Variants in LRP8 observed in about 807,000 individuals in gnomAD.
LRP8 encodes the protein low-density lipoprotein receptor-related protein 8.
Under a neutral mutation model 111.6 loss-of-function variants are expected in LRP8, and 46 were observed. The ratio of observed to expected loss-of-function variants is 0.41; its 90% confidence interval spans 0.33 to 0.53. The LOEUF (loss-of-function observed/expected upper bound fraction) is 0.53, where lower values mean the gene tolerates loss of function less well. Among genes scored for constraint, LRP8 ranks in the 20% least tolerant of loss-of-function variants. LRP8 has a pLI of 0.20. For synonymous variants in LRP8, 464 were observed against 511.2 expected (o/e 0.91, Z 1.24); for missense variants, 959 against 1,297.4 (o/e 0.74, Z 4.01).
intron 8 of LRP8, among the ~76,000 whole-genome samples, chr1:53,269,962 C>T (rs1289918301): frequency 6.7e-6 from 1 of 149,674 alleles, no homozygotes; most frequent in African/African-American, 2.5e-5. Flanking sequence ...TAGGTCTGCC[C>T]AGGTCGTGCT....
At chr1:53,309,207 G>A (rs982392849) in intron 2 of LRP8, among the ~76,000 whole-genome samples, 17 of 152,152 alleles carry the variant, frequency 1.1e-4, no homozygotes, top group Non-Finnish European at 1.6e-4. Context: ...CTCAGGAGGC[G>A]GAGGTTGCAG....
In LRP8 at chr1:53,243,048, A is replaced by G. The variant is rs1253925936; in HGVS notation, c.*3970T>C. On this transcript the variant is annotated 3_prime_UTR_variant, in exon 19 of 19. Coordinates refer to ENST00000306052, the MANE Select transcript of LRP8 (RefSeq NM_004631.5). Reference sequence around the variant, plus strand: ...TAACCTTCTAAATTCTCCATACCCTAAAAATACAGTGTGAGAAGTCTGTTA... The same window carrying G: ...TAACCTTCTAAATTCTCCATACCCTGAAAATACAGTGTGAGAAGTCTGTTA... The G allele has an allele frequency of 6.6e-6, 1 of 152,136 alleles. No individual in the cohort carries two copies. The highest frequency in any genetic ancestry group is 1.9e-4 in the East Asian group (1 of 5,194). 9.4% of individuals were successfully genotyped at this position (152,136 alleles called of 1,614,324 possible).
At position 53,289,547 on chromosome 1, in the gene LRP8, G is replaced by A. The variant is rs1648248971; in HGVS notation, c.367+20C>T. ...GGAAACTGAGGCCCACCCCCACCCA[G>A]ACTGAGGGGCAGGACTCACTGCAAG... is the stretch of plus-strand genomic sequence containing the variant. On this transcript the variant is annotated intron_variant, in intron 3 of 18. Transcript: ENST00000306052. 1.9e-6 allele frequency: 3 copies of A among 1,586,132 alleles called. No individual in the cohort carries two copies. The highest frequency in any genetic ancestry group is 2.3e-5 in the South Asian group (2 of 87,414).
chr1:53,314,382 CA>C (rs1206677164), intron 2 of LRP8, among the ~76,000 whole-genome samples: 11 of 152,240 alleles, frequency 7.2e-5, no homozygotes, highest in Admixed American at 7.2e-4. Flanking sequence ...CTAGGGGAGC[CA>C]AAGCAGCAAT....
chr1:53,300,301 C>A (rs992156793), intron 2 of LRP8, among the ~76,000 whole-genome samples: 21 of 152,216 alleles, frequency 1.4e-4, no homozygotes, highest in Non-Finnish European at 2.5e-4. Flanking sequence ...AAAACTCTCC[C>A]ACCCCTGATG....
Position 53,294,896 on chromosome 1 carries a change from G to C in LRP8, c.245-5207C>G, listed in dbSNP as rs576889804. ...CGTGGAGCCCCGGTGCAGAGAGAAG[G>C]CTCCAAAATAAAGATTAGTCCGGGC... On this transcript the variant is annotated intron_variant, in intron 2 of 18. Coordinates refer to ENST00000306052, the MANE Select transcript of LRP8 (RefSeq NM_004631.5). This position sits in a 1 kb window ranked among gnomAD's most constrained non-coding sequence, Gnocchi z 4.1. Among the ~76,000 whole-genome samples, 7 of 152,236 alleles carry C rather than the reference G, an allele frequency of 4.6e-5. No individual in the cohort carries two copies. Among genetic ancestry groups the C allele is most frequent in the Non-Finnish European group, 7.3e-5 (5 of 68,042 alleles).
At chr1:53,320,794 G>T (rs1557872056) in intron 2 of LRP8, among the ~76,000 whole-genome samples, 1 of 152,180 alleles carries the variant, frequency 6.6e-6, no homozygotes, top group Non-Finnish European at 1.5e-5. Context: ...TCCTGCAGCT[G>T]CTCCCTACTT....
In LRP8 at chr1:53,303,630, C is replaced by T. The variant is rs1003334436; in HGVS notation, c.245-13941G>A. ...GGCTCATTCCGTTGAACGTTAGGAC[C>T]AAGGAGCCACAGAATCTTTCCAGTT... On this transcript the variant is annotated intron_variant, in intron 2 of 18. Transcript: ENST00000306052. This position sits in a 1 kb window ranked among gnomAD's most constrained non-coding sequence, Gnocchi z 4.3. 6.6e-6 allele frequency among the ~76,000 whole-genome samples: 1 copy of T among 152,180 alleles called. No homozygotes were observed. Among genetic ancestry groups the T allele is most frequent in the African/African-American group, 2.4e-5 (1 of 41,430 alleles).
rs1654026653 is a variant in LRP8 at position 53,317,974 on chromosome 1, G to A, written c.244+8899C>T. On this transcript the variant is annotated intron_variant, in intron 2 of 18. Coordinates refer to ENST00000306052, the MANE Select transcript of LRP8 (RefSeq NM_004631.5). The surrounding 1 kb of genome is among the most constrained non-coding windows in gnomAD (Gnocchi z 4.9). Reference sequence around the variant, plus strand: ...CCCCGCACTGTCACCAGGTAGTAAGGCACAGATCCCTGCCCTAGGCAAGGA... The same window carrying A: ...CCCCGCACTGTCACCAGGTAGTAAGACACAGATCCCTGCCCTAGGCAAGGA... Among the ~76,000 whole-genome samples the A allele has an allele frequency of 6.6e-6, 1 of 152,194 alleles. No individual in the cohort carries two copies. Among genetic ancestry groups the A allele is most frequent in the South Asian group, 2.1e-4 (1 of 4,818 alleles).
chr1:53,286,462 A>C (rs12035926), intron 3 of LRP8, among the ~76,000 whole-genome samples: 1 of 152,072 alleles, frequency 6.6e-6, no homozygotes, highest in African/African-American at 2.4e-5. Context: ...ATCCAGAACT[A>C]TAACTCACCT....
intron 2 of LRP8, among the ~76,000 whole-genome samples, chr1:53,320,636 G>C (rs547229719): frequency 2.6e-5 from 4 of 152,300 alleles, no homozygotes; most frequent in African/African-American, 9.6e-5. Flanking sequence ...GGCAAAGGCT[G>C]AGAGAAGCCT....
At chr1:53,306,551 T>C (rs1026007393) in intron 2 of LRP8, among the ~76,000 whole-genome samples, 12 of 152,208 alleles carry the variant, frequency 7.9e-5, no homozygotes. Flanking sequence ...TCCCCCTCTC[T>C]GGGCCTCAGC....
intron 5 of LRP8, among the ~76,000 whole-genome samples, chr1:53,276,059 C>T (rs369607250): frequency 3.3e-5 from 5 of 152,232 alleles, no homozygotes; most frequent in East Asian, 1.9e-4. Flanking sequence ...AACAGACACA[C>T]GGCCTTCTTT....
chr1:53,305,190 G>A (rs1298778012), intron 2 of LRP8: 1 of 152,154 alleles, frequency 6.6e-6, no homozygotes, highest in African/African-American at 2.4e-5. Flanking sequence ...CTCAAATCAC[G>A]CCTTTGTCCC....
chr1:53,254,168 G>A (rs181316868), intron 16 of LRP8, among the ~76,000 whole-genome samples: 4 of 152,206 alleles, frequency 2.6e-5, no homozygotes, highest in Non-Finnish European at 4.4e-5. Context: ...TACGAGATGA[G>A]ACTGCTAAGA....
Position 53,284,360 on chromosome 1 carries a change from T to C in LRP8, c.368-3645A>G, listed in dbSNP as rs981136321. On this transcript the variant is annotated intron_variant, in intron 3 of 18. Transcript: ENST00000306052. ...GGGCAGCAGTCCTGCACGTAAGCAC[T>C]CCATTTTATAGATGAGGAAACTGAG... is the stretch of plus-strand genomic sequence containing the variant. Among the ~76,000 whole-genome samples the C allele has an allele frequency of 3.3e-5, 5 of 152,126 alleles. No individual in the cohort carries two copies. The South Asian group carries it at 1.0e-3, about 31-fold the overall frequency.
Position 53,266,723 on chromosome 1 carries a change from G to T in LRP8, c.1253-76C>A. 1 of 1,344,842 alleles carries T rather than the reference G, an allele frequency of 7.4e-7. No individual in the cohort carries two copies. Among genetic ancestry groups the T allele is most frequent in the Non-Finnish European group, 1.1e-6 (1 of 946,804 alleles). The allele number at this position is 1,344,842 out of a possible 1,614,324, so 83.3% of individuals were successfully genotyped here. A position where few individuals can be genotyped will look rare whatever the true frequency, so the allele number is the denominator to read the frequency against. On this transcript the variant is annotated intron_variant, in intron 8 of 18. Transcript: ENST00000306052. This position sits in a 1 kb window ranked among gnomAD's most constrained non-coding sequence, Gnocchi z 5.0. The stretch of plus-strand genomic sequence containing the variant: ...GCCTGGAGACCAAGACTCTGCCACT[G>T]GCTTGCTGGCTGACACATCCATTTT...
chr1:53,277,187 G>T (rs1329673376), intron 4 of LRP8, 109 bp from the exon 5 acceptor site: 2 of 1,328,966 alleles, frequency 1.5e-6, no homozygotes, highest in African/African-American at 3.1e-5. Context: ...GCCAGAACAA[G>T]TGCCCTTTGG....
chr1:53,315,150 T>G (rs1028124983), intron 2 of LRP8, among the ~76,000 whole-genome samples: 1 of 152,180 alleles, frequency 6.6e-6, no homozygotes, highest in East Asian at 1.9e-4. Context: ...CCTAAGGCTC[T>G]GGGCTCATTT....
Sources: allele counts gnomAD v4.1 joint callset (sites outside exome capture counted in the v4.1 genomes callset), GRCh38; gene constraint gnomAD v4.1.1; non-coding constraint Gnocchi (gnomAD v3.1); transcripts MANE v1.5; gene names NCBI Gene and HGNC (gene_info 2026-07-23, HGNC 2026-07-21).